Variants in GALNT17 observed in about 807,000 individuals in gnomAD.
GALNT17 encodes the protein polypeptide N-acetylgalactosaminyltransferase 17, also known as UDP-GalNAc:polypeptide N-acetylgalactosaminyltransferase-like 3.
A neutral mutation model predicts 63.7 loss-of-function variants in GALNT17; 29 were observed. The ratio of observed to expected loss-of-function variants is 0.46; its 90% CI spans 0.34 to 0.62. The LOEUF is 0.62. GALNT17 is among the 20% of genes least tolerant of loss of function. The pLI is 0.01. For missense variants in GALNT17, 603 were observed against 799.6 expected (o/e 0.75, Z 2.97); for synonymous variants, 305 against 318.3 (o/e 0.96, Z 0.45).
At chr7:71,446,322 C>G (rs1195335190) in intron 5 of GALNT17, among the ~76,000 whole-genome samples, 5 of 152,006 alleles carry the variant, frequency 3.3e-5, no homozygotes, top group African/African-American at 1.2e-4. Context: ...CTGTAAAAAT[C>G]AAAAATACAA....
intron 1 of GALNT17, among the ~76,000 whole-genome samples, chr7:71,191,945 G>A (rs1312833978): frequency 6.6e-6 from 1 of 152,204 alleles, no homozygotes; most frequent in Non-Finnish European, 1.5e-5. Flanking sequence ...CCATCTGCTA[G>A]TTGAGGAGCA....
At chr7:71,595,340 G>C (rs1239694088) in intron 6 of GALNT17, among the ~76,000 whole-genome samples, 2 of 151,952 alleles carry the variant, frequency 1.3e-5, no homozygotes, top group African/African-American at 4.8e-5. Flanking sequence ...TGAGGTGGAA[G>C]GATCACTTGA....
At chr7:71,219,920 TGGCTGTTTTGCTG>T (rs1171128257) in intron 1 of GALNT17, among the ~76,000 whole-genome samples, 1 of 152,238 alleles carries the variant, frequency 6.6e-6, no homozygotes, top group Non-Finnish European at 1.5e-5. Flanking sequence ...GGCAGGTGGA[TGGCTGTTTTGCTG>T]GGTGTATGAA....
chr7:71,637,893 T>C (rs1313283532), intron 6 of GALNT17, among the ~76,000 whole-genome samples: 1 of 152,206 alleles, frequency 6.6e-6, no homozygotes, highest in East Asian at 1.9e-4. Flanking sequence ...TAGAGTTAAG[T>C]GAAAGCAAGT....
At chr7:71,244,030 G>A (rs1314309346) in intron 1 of GALNT17, among the ~76,000 whole-genome samples, 1 of 152,170 alleles carries the variant, frequency 6.6e-6, no homozygotes, top group African/African-American at 2.4e-5. Flanking sequence ...TGGAGGTGCA[G>A]GGTTAGAGGT....
intron 5 of GALNT17, among the ~76,000 whole-genome samples, chr7:71,506,318 G>A (rs1446236565): frequency 6.6e-6 from 1 of 152,054 alleles, no homozygotes; most frequent in African/African-American, 2.4e-5. Context: ...CCAGGCTGGA[G>A]TGCAGTGGTG....
intron 9 of GALNT17, among the ~76,000 whole-genome samples, chr7:71,681,733 C>G (rs1293715856): frequency 6.6e-6 from 1 of 152,188 alleles, no homozygotes; most frequent in Non-Finnish European, 1.5e-5. Context: ...TTAACGGTGA[C>G]ATAGTAGAGG....
At chr7:71,608,066 T>C (rs536673438) in intron 6 of GALNT17, among the ~76,000 whole-genome samples, 3 of 152,286 alleles carry the variant, frequency 2.0e-5, no homozygotes, top group South Asian at 4.1e-4. Flanking sequence ...TTACATGACA[T>C]AGGGAGCCCA....
chr7:71,214,490 A>T (rs181533926), intron 1 of GALNT17, among the ~76,000 whole-genome samples: 1 of 151,964 alleles, frequency 6.6e-6, no homozygotes, highest in South Asian at 2.1e-4. Flanking sequence ...GAATGTCATG[A>T]GCCCCTTTCA....
intron 5 of GALNT17, among the ~76,000 whole-genome samples, chr7:71,559,462 T>G (rs1215948716): frequency 6.6e-6 from 1 of 152,178 alleles, no homozygotes. Context: ...AGTTCTGCAC[T>G]TATTTGCATA....
chr7:71,541,998 A>G (rs776520498), intron 5 of GALNT17, among the ~76,000 whole-genome samples: 3 of 152,210 alleles, frequency 2.0e-5, no homozygotes, highest in Non-Finnish European at 2.9e-5. Flanking sequence ...TCATTCATAT[A>G]GAGCACTTGC....
intron 5 of GALNT17, among the ~76,000 whole-genome samples, chr7:71,569,665 A>C (rs772697751): frequency 2.6e-5 from 4 of 152,090 alleles, no homozygotes; most frequent in Non-Finnish European, 5.9e-5. Context: ...TTTCCACACT[A>C]GTCTTGAATG....
intron 5 of GALNT17, among the ~76,000 whole-genome samples, chr7:71,442,195 T>TTTTTG (rs201492977): frequency 5.3e-5 from 8 of 152,006 alleles, no homozygotes; most frequent in South Asian, 2.1e-4. Flanking sequence ...AGAAGTGTTT[T>TTTTTG]TTTTGTTTTG....
At chr7:71,190,972 A>G (rs1028037208) in intron 1 of GALNT17, among the ~76,000 whole-genome samples, 4 of 152,128 alleles carry the variant, frequency 2.6e-5, no homozygotes, top group Non-Finnish European at 4.4e-5. Context: ...ACAGATTCCA[A>G]AGACACAAGA....
In GALNT17 at chr7:71,278,916, T is replaced by A. The variant is rs534286543; in HGVS notation, c.239-56634T>A. On this transcript the variant is annotated intron_variant, in intron 1 of 10. Transcript: ENST00000333538. ...TCTGTGTATCTCTTTTTCCTCTTTTTCTTCTTCTTCTTCTTTTTTTTTTTA... is the reference window on the plus strand; with the variant it reads ...TCTGTGTATCTCTTTTTCCTCTTTTACTTCTTCTTCTTCTTTTTTTTTTTA... Among the ~76,000 whole-genome samples the A allele has an allele frequency of 2.7e-5, 4 of 150,622 alleles. No homozygotes were observed. In the South Asian group the frequency reaches 8.5e-4, roughly 32 times the overall value.
chr7:71,543,378 G>C (rs1788926092), intron 5 of GALNT17, among the ~76,000 whole-genome samples: 1 of 152,284 alleles, frequency 6.6e-6, no homozygotes, highest in African/African-American at 2.4e-5. Flanking sequence ...CAGGAGTCCA[G>C]CTCAAATCTG....
intron 3 of GALNT17, among the ~76,000 whole-genome samples, chr7:71,405,537 T>A (rs559496329): frequency 6.6e-6 from 1 of 152,160 alleles, no homozygotes; most frequent in Non-Finnish European, 1.5e-5. Flanking sequence ...ATACCGTAAC[T>A]ACTTTGTATC....
At chr7:71,162,361 CT>C (rs112351279) in intron 1 of GALNT17, among the ~76,000 whole-genome samples, 18,845 of 151,842 alleles carry the variant, frequency 0.12, 1,844 homozygotes, top group African/African-American at 0.27. Flanking sequence ...AATCTTTCCC[CT>C]GAATGCTATG....
intron 9 of GALNT17, among the ~76,000 whole-genome samples, chr7:71,677,875 A>G (rs1023533820): frequency 5.3e-5 from 8 of 151,880 alleles, no homozygotes; most frequent in Non-Finnish European, 1.0e-4. Flanking sequence ...TCAGCTGTGT[A>G]CCCTCTGCCA....
Sources: gnomAD v4.1 joint callset for allele counts (sites outside exome capture counted in the v4.1 genomes callset) on GRCh38, gnomAD v4.1.1 for gene constraint, MANE v1.5 for transcripts, NCBI Gene and HGNC (gene_info 2026-07-23, HGNC 2026-07-21) for gene names.